Variants in NFIC observed in about 807,000 individuals in gnomAD.
NFIC encodes the protein nuclear factor I C, also known as nuclear factor 1 C-type.
In NFIC, 12 loss-of-function variants were observed where a neutral mutation model predicts 54.4. The observed-to-expected ratio is 0.22, with a 90% CI of 0.14 to 0.36. NFIC has a LOEUF of 0.36. Among genes scored for constraint, NFIC ranks in the 10% least tolerant of loss-of-function variants. The pLI is 1.00. For synonymous variants in NFIC, 322 were observed against 319.2 expected (o/e 1.01, Z -0.09); for missense variants, 575 against 718.2 (o/e 0.80, Z 2.28).
At chr19:3,408,746 C>A (rs929240901) in intron 2 of NFIC, among the ~76,000 whole-genome samples, 1 of 152,114 alleles carries the variant, frequency 6.6e-6, no homozygotes, top group Non-Finnish European at 1.5e-5. Flanking sequence ...GGACTATAGG[C>A]GACCGCCACC....
intron 10 of NFIC, chr19:3,456,870 G>T: frequency 3.5e-6 from 2 of 572,182 alleles, no homozygotes; most frequent in Non-Finnish European, 6.3e-6. Context: ...AGCCTGTGGG[G>T]TCCCCAGGAG....
chr19:3,458,385 G>A lies in NFIC; in HGVS notation c.1509+1750G>A, dbSNP rs1370952207. On this transcript the variant is annotated intron_variant, in intron 10 of 10. Coordinates refer to ENST00000443272, the MANE Select transcript of NFIC (RefSeq NM_001245002.2). This position sits in a 1 kb window ranked among gnomAD's most constrained non-coding sequence, Gnocchi z 4.1. The stretch of plus-strand genomic sequence containing the variant: ...AAGCTAATAAAAGCTGCGGTGGGAG[G>A]AGGCCCAGCCCGCTTAACCCTTCCC... Among the ~76,000 whole-genome samples the A allele has an allele frequency of 1.3e-5, 2 of 152,116 alleles. No homozygotes were observed. The highest frequency in any genetic ancestry group is 2.4e-5 in the African/African-American group (1 of 41,426).
chr19:3,387,395 G>A (rs2081313711), intron 2 of NFIC, among the ~76,000 whole-genome samples: 1 of 152,110 alleles, frequency 6.6e-6, no homozygotes, highest in African/African-American at 2.4e-5. Context: ...CCAGCTACTC[G>A]GGAGGCTGAG....
intron 2 of NFIC, among the ~76,000 whole-genome samples, chr19:3,400,579 G>A (rs1228477083): frequency 2.0e-5 from 3 of 151,840 alleles, no homozygotes; most frequent in South Asian, 2.1e-4. Flanking sequence ...GGTGGCTCAC[G>A]CCTGTCATCC....
chr19:3,463,365 G>A lies in NFIC; in HGVS notation c.*596G>A, dbSNP rs2082669149. The A allele has an allele frequency of 1.0e-5, 10 of 986,162 alleles. No individual in the cohort carries two copies. Among genetic ancestry groups the A allele is most frequent in the East Asian group, 1.1e-4 (1 of 8,830 alleles). 61.1% of individuals were successfully genotyped at this position (986,162 alleles called of 1,614,324 possible). On this transcript the variant is annotated 3_prime_UTR_variant, in exon 11 of 11. Coordinates refer to ENST00000443272, the MANE Select transcript of NFIC (RefSeq NM_001245002.2). ...AAGGGAGACACAGCGGACCCCGGCCGGGCAGCGGAGACCGCAGAGGCGGGC... is the reference window on the plus strand; with the variant it reads ...AAGGGAGACACAGCGGACCCCGGCCAGGCAGCGGAGACCGCAGAGGCGGGC...
intron 1 of NFIC, among the ~76,000 whole-genome samples, chr19:3,377,807 A>T (rs899580051): frequency 5.3e-5 from 8 of 152,122 alleles, no homozygotes; most frequent in Admixed American, 5.2e-4. Context: ...TTTTTAGTAG[A>T]GACGGGGTTT....
Position 3,465,430 on chromosome 19 carries a change from T to TAAAAAAAAAAAAAAAAAAAAAAAAGAA in NFIC, c.*2686_*2687insAAAAAAAAAAAAAAAAAAAAAAAAAAG, listed in dbSNP as rs2082706032. ...AATAAAAAATAAGAAAGTGAGAATC[T>TAAAAAAAAAAAAAAAAAAAAAAAAGAA]AAAAAAAAAAAAAAAAAAAAAAAAG... On this transcript the variant is annotated 3_prime_UTR_variant, in exon 11 of 11. Transcript: ENST00000443272. 1 of 60,812 alleles carries TAAAAAAAAAAAAAAAAAAAAAAAAGAA rather than the reference T, an allele frequency of 1.6e-5. No individual in the cohort carries two copies. The highest frequency in any genetic ancestry group is 3.4e-5 in the Non-Finnish European group (1 of 29,442). The allele number at this position is 60,812 out of a possible 1,614,324, so 3.8% of individuals were successfully genotyped here. A position where few individuals can be genotyped will look rare whatever the true frequency, so the allele number is the denominator to read the frequency against.
chr19:3,413,638 G>A (rs570984538), intron 2 of NFIC, among the ~76,000 whole-genome samples: 14 of 152,140 alleles, frequency 9.2e-5, no homozygotes, highest in African/African-American at 2.7e-4. Context: ...TACTCACTGC[G>A]CATTAATTTG....
rs376928598 is a variant in NFIC, at chr19:3,439,441, G to A, written c.958+4234G>A. Among the ~76,000 whole-genome samples, 69 of 144,320 alleles carry A rather than the reference G, an allele frequency of 4.8e-4. 1 individual carries two copies. Among genetic ancestry groups the A allele is most frequent in the African/African-American group, 1.7e-3 (67 of 39,820 alleles). The allele number at this position is 144,320 out of a possible 152,430, so 94.7% of individuals were successfully genotyped here. A position where few individuals can be genotyped will look rare whatever the true frequency, so the allele number is the denominator to read the frequency against. On this transcript the variant is annotated intron_variant, in intron 6 of 10. Transcript: ENST00000443272. Reference sequence around the variant, plus strand: ...GCGGATCACCTGAGGTCAGGAGTTCGAGACCAGCCTGGCCAACAGGGTGAA... The same window carrying A: ...GCGGATCACCTGAGGTCAGGAGTTCAAGACCAGCCTGGCCAACAGGGTGAA...
At chr19:3,406,461 C>G (rs917143839) in intron 2 of NFIC, among the ~76,000 whole-genome samples, 1 of 151,602 alleles carries the variant, frequency 6.6e-6, no homozygotes, top group African/African-American at 2.4e-5. Context: ...CTTCTGACCT[C>G]AAGTGATCCT....
intron 2 of NFIC, among the ~76,000 whole-genome samples, chr19:3,390,495 C>T (rs1042987704): frequency 3.3e-5 from 5 of 152,130 alleles, no homozygotes; most frequent in Non-Finnish European, 7.4e-5. Flanking sequence ...CAGGATCACA[C>T]CCCTCTGCTC....
chr19:3,404,887 CCCAGGGGT>C (rs2081620211), intron 2 of NFIC, among the ~76,000 whole-genome samples: 1 of 152,102 alleles, frequency 6.6e-6, no homozygotes, highest in Non-Finnish European at 1.5e-5. Context: ...CACCGGGGTC[CCCAGGGGT>C]CCCCAGAGGC....
rs140590761 is a variant in NFIC at position 3,427,217 on chromosome 19, C to T, written c.634+2040C>T. On this transcript the variant is annotated intron_variant, in intron 3 of 10. Coordinates refer to ENST00000443272, the MANE Select transcript of NFIC (RefSeq NM_001245002.2). ...CTGGGATTACAGGCATGAGCCACCG[C>T]GCCCAGCCTGGCTACCCTCAGTCTC... is the stretch of plus-strand genomic sequence containing the variant. Among the ~76,000 whole-genome samples, 68 of 152,160 alleles carry T rather than the reference C, an allele frequency of 4.5e-4. 1 individual carries two copies. The East Asian group carries it at 5.8e-3, about 13-fold the overall frequency.
In NFIC at chr19:3,382,178, C is replaced by T. The variant is rs138699938; in HGVS notation, c.497C>T (p.Pro166Leu). 2,310 of 1,612,084 alleles carry T rather than the reference C, an allele frequency of 1.4e-3. 1 individual carries two copies. The highest frequency in any genetic ancestry group is 1.6e-3 in the Non-Finnish European group (1,898 of 1,179,922). ...QCGHPVLCVQ[P>L]HHIGVAVKEL... is the part of the protein sequence containing the mutation. ...GGTCACCCGGTCCTGTGCGTGCAGC[C>T]GCACCACATTGGCGTGGCCGTCAAG... Residue 166 changes from proline to leucine, a missense_variant, in exon 2 of 11, where the codon CCG becomes CTG. Physicochemically the swap from Pro to Leu is moderately conservative, Grantham distance 98. Transcript: ENST00000443272.
In NFIC at chr19:3,417,876, G is replaced by C. The variant is rs986300047; in HGVS notation, c.563-7230G>C. Among the ~76,000 whole-genome samples, 26 of 146,400 alleles carry C rather than the reference G, an allele frequency of 1.8e-4. 1 individual carries two copies. Among genetic ancestry groups the C allele is most frequent in the Non-Finnish European group, 1.5e-5 (1 of 66,920 alleles). On this transcript the variant is annotated intron_variant, in intron 2 of 10. Coordinates refer to ENST00000443272, the MANE Select transcript of NFIC (RefSeq NM_001245002.2). ...GATGGTCTCGATCTCCTGACCTCATGATCCGCCCGCCTCGGCCTGTCAGAG... is the reference window on the plus strand; with the variant it reads ...GATGGTCTCGATCTCCTGACCTCATCATCCGCCCGCCTCGGCCTGTCAGAG...
At position 3,372,706 on chromosome 19, in the gene NFIC, G is replaced by GT. The variant is rs201925102; in HGVS notation, c.30+6041dup. On this transcript the variant is annotated intron_variant, in intron 1 of 10. Transcript: ENST00000443272. Reference sequence around the variant, plus strand: ...GACTGTTTGCTCAAGGGGCCCAGGAGTGGGGTGGGGGGGTGCCAGGAGGCC... The same window carrying GT: ...GACTGTTTGCTCAAGGGGCCCAGGAGTTGGGGTGGGGGGGTGCCAGGAGGCC... 1.3e-3 allele frequency among the ~76,000 whole-genome samples: 187 copies of GT among 141,090 alleles called. 5 individuals carry two copies. Among genetic ancestry groups the GT allele is most frequent in the Middle Eastern group, 3.6e-3 (1 of 276 alleles). 92.6% of individuals were successfully genotyped at this position (141,090 alleles called of 152,430 possible).
Position 3,463,048 on chromosome 19 carries a change from G to T in NFIC, c.*279G>T. 1.5e-6 allele frequency: 2 copies of T among 1,340,038 alleles called. No individual in the cohort carries two copies. The highest frequency in any genetic ancestry group is 1.9e-6 in the Non-Finnish European group (2 of 1,048,682). The allele number at this position is 1,340,038 out of a possible 1,614,324, so 83.0% of individuals were successfully genotyped here. A position where few individuals can be genotyped will look rare whatever the true frequency, so the allele number is the denominator to read the frequency against. On this transcript the variant is annotated 3_prime_UTR_variant, in exon 11 of 11. Transcript: ENST00000443272. ...TTCCAACTCTCGGGACGCCAAGGCC[G>T]CAGGACTGGAGGGCCAGGCCCCGCC... is the stretch of plus-strand genomic sequence containing the variant.
At chr19:3,399,080 CCT>C (rs752346084) in intron 2 of NFIC, among the ~76,000 whole-genome samples, 4 of 152,220 alleles carry the variant, frequency 2.6e-5, no homozygotes, top group Non-Finnish European at 5.9e-5. Flanking sequence ...TGGTTAAGTC[CCT>C]GTCTCTGAGC....
chr19:3,428,533 T>C (rs1268278205), intron 3 of NFIC, among the ~76,000 whole-genome samples: 7 of 149,580 alleles, frequency 4.7e-5, no homozygotes, highest in Non-Finnish European at 8.9e-5. Flanking sequence ...GGAACAGGCA[T>C]GCACAGGGAG....
Sources: gnomAD v4.1 joint callset for allele counts (sites outside exome capture counted in the v4.1 genomes callset) on GRCh38, gnomAD v4.1.1 for gene constraint, Gnocchi (gnomAD v3.1) non-coding constraint, MANE v1.5 for transcripts, NCBI Gene and HGNC (gene_info 2026-07-23, HGNC 2026-07-21) for gene names.